Variants in MPIG6B observed in about 807,000 individuals in gnomAD.
MPIG6B encodes immunoglobulin receptor.
Under a neutral mutation model 24.2 loss-of-function variants are expected in MPIG6B, and 22 were observed. That is an observed-to-expected ratio of 0.91 (90% CI 0.65 to 1.30). The LOEUF (loss-of-function observed/expected upper bound fraction) is 1.30. Among genes scored for constraint, MPIG6B ranks in the 50% most tolerant of loss-of-function variants. The pLI is 0.00. For synonymous variants in MPIG6B, 136 were observed against 142.0 expected (o/e 0.96, Z 0.30); for missense variants, 301 against 318.5 (o/e 0.94, Z 0.42).
Position 31,723,702 on chromosome 6 carries a change from T to A in MPIG6B, c.125T>A (p.Ile42Asn), listed in dbSNP as rs761215505. The A allele has an allele frequency of 2.6e-5, 42 of 1,610,514 alleles. 1 individual carries two copies. The Admixed American group carries it at 7.0e-4, about 27-fold the overall frequency. Residue 42 changes from isoleucine to asparagine, a missense_variant, in exon 2 of 6, where the codon ATC becomes AAC. Ile to Asn is a moderately radical substitution (Grantham distance 149). Transcript: ENST00000649779. The surrounding 1 kb of genome is among the most constrained non-coding windows in gnomAD (Gnocchi z 4.3). ...TCCTGCGGAGGAGTCTCTCATCCCA[T>A]CCGCTGGGTCTGGGCACCCAGCTTC... is the stretch of plus-strand genomic sequence containing the variant. The part of the protein sequence containing the change: ...NLSCGGVSHP[I>N]RWVWAPSFPA...
At position 31,725,234 on chromosome 6, in the gene MPIG6B, A is replaced by G. The variant is rs996323899; in HGVS notation, c.*160A>G. ...ACCTGGGTTCCAGGCTGTCTCTGCCACTGGTCTTACTTCTAAACTTACTCC... is the reference window on the plus strand; with the variant it reads ...ACCTGGGTTCCAGGCTGTCTCTGCCGCTGGTCTTACTTCTAAACTTACTCC... On this transcript the variant is annotated 3_prime_UTR_variant, in exon 6 of 6. Transcript: ENST00000649779. The surrounding 1 kb of genome is among the most constrained non-coding windows in gnomAD (Gnocchi z 5.2). 10 of 608,822 alleles carry G rather than the reference A, an allele frequency of 1.6e-5. No homozygotes were observed. The highest frequency in any genetic ancestry group is 3.0e-5 in the Admixed American group (1 of 33,804). 37.7% of individuals were successfully genotyped at this position (608,822 alleles called of 1,614,324 possible). A position where few individuals can be genotyped will look rare whatever the true frequency, so the allele number is the denominator to read the frequency against.
At chr6:31,721,646 G>T (rs764645100), upstream of MPIG6B, 13 of 1,613,934 alleles carry the variant, frequency 8.1e-6, no homozygotes, top group African/African-American at 8.0e-5. Flanking sequence ...CAGCAGAGCA[G>T]AACAGACAGG....
At position 31,725,170 on chromosome 6, in the gene MPIG6B, C is replaced by A. The variant is rs1197129479; in HGVS notation, c.*96C>A. The A allele has an allele frequency of 2.3e-6, 2 of 875,020 alleles. No individual in the cohort carries two copies. Among genetic ancestry groups the A allele is most frequent in the Non-Finnish European group, 3.7e-6 (2 of 544,008 alleles). The allele number at this position is 875,020 out of a possible 1,614,324, so 54.2% of individuals were successfully genotyped here. A position where few individuals can be genotyped will look rare whatever the true frequency, so the allele number is the denominator to read the frequency against. On this transcript the variant is annotated 3_prime_UTR_variant, in exon 6 of 6. Coordinates refer to ENST00000649779, the MANE Select transcript of MPIG6B (RefSeq NM_138272.3). This position sits in a 1 kb window ranked among gnomAD's most constrained non-coding sequence, Gnocchi z 5.2. ...GTTCCTCACCTGGAAGAGGAAGGCA[C>A]CATGGTATAGAAATAAGTGCTAGAC...
In MPIG6B at chr6:31,724,823, A is replaced by G; in HGVS notation, c.600A>G (p.Pro200=). 1 of 1,613,890 alleles carries G rather than the reference A, an allele frequency of 6.2e-7. No individual in the cohort carries two copies. The highest frequency in any genetic ancestry group is 8.5e-7 in the Non-Finnish European group (1 of 1,179,940). The change falls in exon 5 of 6, where the codon CCA becomes CCG. Residue 200 remains proline, a synonymous_variant. Transcript: ENST00000649779. ...TAAAGGAGGAAGAGCCCAAGATTCC[A>G]GGGGACCTGGACCAGGAACCGGTAA... The part of the protein sequence containing the change: ...RPVKEEEPKI[P]GDLDQEPSLL...
chr6:31,725,168 C>A lies in MPIG6B; in HGVS notation c.*94C>A. ...TGGTTCCTCACCTGGAAGAGGAAGG[C>A]ACCATGGTATAGAAATAAGTGCTAG... On this transcript the variant is annotated 3_prime_UTR_variant, in exon 6 of 6. Coordinates refer to ENST00000649779, the MANE Select transcript of MPIG6B (RefSeq NM_138272.3). This position sits in a 1 kb window ranked among gnomAD's most constrained non-coding sequence, Gnocchi z 5.2. The A allele has an allele frequency of 1.1e-6, 1 of 891,238 alleles. No individual in the cohort carries two copies. Among genetic ancestry groups the A allele is most frequent in the Non-Finnish European group, 1.8e-6 (1 of 556,406 alleles). The allele number at this position is 891,238 out of a possible 1,614,324, so 55.2% of individuals were successfully genotyped here. A position where few individuals can be genotyped will look rare whatever the true frequency, so the allele number is the denominator to read the frequency against.
upstream of MPIG6B, chr6:31,721,751 G>A (rs531444868): frequency 2.2e-5 from 34 of 1,527,554 alleles, no homozygotes; most frequent in Admixed American, 5.2e-5. Flanking sequence ...AGCTCTAGGA[G>A]TTGAGTGGCC....
At position 31,723,530 on chromosome 6, in the gene MPIG6B, A is replaced by T. The variant is rs1324889900; in HGVS notation, c.61+86A>T. On this transcript the variant is annotated intron_variant, in intron 1 of 5. Transcript: ENST00000649779. This position sits in a 1 kb window ranked among gnomAD's most constrained non-coding sequence, Gnocchi z 4.3. The stretch of plus-strand genomic sequence containing the variant: ...CCTAGTAGGGTGGGTTGTGTGTGGG[A>T]AGATCCAGGATGGCTGGAGTGCAGA... 5 of 1,453,112 alleles carry T rather than the reference A, an allele frequency of 3.4e-6. No individual in the cohort carries two copies. The highest frequency in any genetic ancestry group is 4.8e-6 in the Non-Finnish European group (5 of 1,046,388). The allele number at this position is 1,453,112 out of a possible 1,614,324, so 90.0% of individuals were successfully genotyped here. A position where few individuals can be genotyped will look rare whatever the true frequency, so the allele number is the denominator to read the frequency against.
intron 3 of MPIG6B, 172 bp from the exon 4 acceptor site, chr6:31,724,415 T>G: frequency 4.0e-6 from 3 of 758,454 alleles, no homozygotes; most frequent in East Asian, 5.2e-5. Flanking sequence ...CCAGAGCAGA[T>G]GAGCTGGAAG....
At chr6:31,722,447 G>T (rs1326878743), upstream of MPIG6B, among the ~76,000 whole-genome samples, 1 of 152,150 alleles carries the variant, frequency 6.6e-6, no homozygotes. Flanking sequence ...CCTAGGTGTG[G>T]CTGTGTGCAC....
chr6:31,724,598 C>A lies in MPIG6B; in HGVS notation c.512C>A (p.Pro171Gln). ...LVWWLHRRLP[P>Q]QPIRPLPRFA... ...TATGTCCCTTACAGGCGCCTGCCCC[C>A]GCAACCGATTCGACCACTCCCTAGA... Residue 171 changes from proline (P) to glutamine (Q), a missense_variant, in exon 4 of 6, where the codon CCG becomes CAG. Coordinates refer to ENST00000649779, the MANE Select transcript of MPIG6B (RefSeq NM_138272.3). 6.2e-7 allele frequency: 1 copy of A among 1,613,872 alleles called. No individual in the cohort carries two copies. The highest frequency in any genetic ancestry group is 8.5e-7 in the Non-Finnish European group (1 of 1,179,740).
At chr6:31,722,002 T>TAC (rs1806823778), upstream of MPIG6B, among the ~76,000 whole-genome samples, 1 of 152,186 alleles carries the variant, frequency 6.6e-6, no homozygotes, top group Non-Finnish European at 1.5e-5. Context: ...CTAAGAGTCC[T>TAC]GCTGCTCAGT....
upstream of MPIG6B, chr6:31,721,927 G>A: frequency 2.0e-6 from 1 of 505,262 alleles, no homozygotes; most frequent in African/African-American, 1.9e-5. Flanking sequence ...GAAGGCAGGT[G>A]CCACTAGTGG....
upstream of MPIG6B, chr6:31,720,927 A>T (rs1188296954): frequency 6.6e-6 from 1 of 152,272 alleles, no homozygotes; most frequent in Non-Finnish European, 1.5e-5. This position sits in a 1 kb window ranked among gnomAD's most constrained non-coding sequence, Gnocchi z 4.9. Flanking sequence ...GCAGGGTCCG[A>T]GGGTGGAAGA....
chr6:31,723,022 G>T, upstream of MPIG6B: 1 of 362,054 alleles, frequency 2.8e-6, no homozygotes, highest in South Asian at 2.8e-5. This position sits in a 1 kb window ranked among gnomAD's most constrained non-coding sequence, Gnocchi z 4.3. Flanking sequence ...TGGCTCTGTC[G>T]CCCAGGCTGG....
chr6:31,723,978 C>T lies in MPIG6B; in HGVS notation c.401C>T (p.Pro134Leu). The change falls in exon 2 of 6, where the codon CCT becomes CTT. Residue 134 changes from proline (P) to leucine (L), a missense_variant. Coordinates refer to ENST00000649779, the MANE Select transcript of MPIG6B (RefSeq NM_138272.3). The surrounding 1 kb of genome is among the most constrained non-coding windows in gnomAD (Gnocchi z 4.3). The stretch of plus-strand genomic sequence containing the variant: ...AGGACCTATTGCAAGGCCCCCGGGC[C>T]TACCCATGGTAGGTGCAGGCCTGTG... The part of the protein sequence containing the change: ...GDRTYCKAPG[P>L]THGSVYPQLL... 6.4e-7 allele frequency: 1 copy of T among 1,552,210 alleles called. No individual in the cohort carries two copies. The highest frequency in any genetic ancestry group is 8.7e-7 in the Non-Finnish European group (1 of 1,146,732).
upstream of MPIG6B, chr6:31,723,162 G>A (rs147911442): frequency 8.3e-6 from 5 of 605,062 alleles, no homozygotes; most frequent in African/African-American, 9.2e-5. The surrounding 1 kb of genome is among the most constrained non-coding windows in gnomAD (Gnocchi z 4.3). Context: ...AAGCATTTGT[G>A]TAAATGGCCC....
upstream of MPIG6B, among the ~76,000 whole-genome samples, chr6:31,722,394 G>T (rs938780637): frequency 2.0e-4 from 31 of 152,214 alleles, no homozygotes; most frequent in African/African-American, 6.3e-4. Flanking sequence ...CTCCACTTGC[G>T]CTTGGTGTGG....
upstream of MPIG6B, chr6:31,721,807 G>T: frequency 1.1e-6 from 1 of 902,822 alleles, no homozygotes; most frequent in Non-Finnish European, 1.7e-6. Flanking sequence ...CCCTGCCTCT[G>T]GTAGCCCCTC....
In MPIG6B at chr6:31,725,476, C is replaced by T. The variant is rs1032487797; in HGVS notation, c.*402C>T. Reference sequence around the variant, plus strand: ...CTGAGTAGCTGGGACTACAGGCGCCCGCCACCACGCCCAGCTAATTTTTTG... The same window carrying T: ...CTGAGTAGCTGGGACTACAGGCGCCTGCCACCACGCCCAGCTAATTTTTTG... On this transcript the variant is annotated 3_prime_UTR_variant, in exon 6 of 6. Transcript: ENST00000649779. This position sits in a 1 kb window ranked among gnomAD's most constrained non-coding sequence, Gnocchi z 5.2. The T allele has an allele frequency of 6.3e-5, 11 of 173,928 alleles. No homozygotes were observed. Among genetic ancestry groups the T allele is most frequent in the East Asian group, 1.6e-4 (1 of 6,218 alleles). 10.8% of individuals were successfully genotyped at this position (173,928 alleles called of 1,614,324 possible).
Sources: gnomAD v4.1 joint callset for allele counts (sites outside exome capture counted in the v4.1 genomes callset) on GRCh38, gnomAD v4.1.1 for gene constraint, Gnocchi (gnomAD v3.1) non-coding constraint, MANE v1.5 for transcripts, NCBI Gene and HGNC (gene_info 2026-07-23, HGNC 2026-07-21) for gene names.